Variants in NRXN3 observed in about 807,000 individuals in gnomAD.
NRXN3 encodes neurexin III.
Under a neutral mutation model 137.6 loss-of-function variants are expected in NRXN3, and 32 were observed. The ratio of observed to expected loss-of-function variants is 0.23; its 90% CI spans 0.18 to 0.31. NRXN3 has a LOEUF of 0.31. Among genes scored for constraint, NRXN3 ranks in the 10% least tolerant of loss-of-function variants. The pLI is 1.00. For synonymous variants in NRXN3, 798 were observed against 784.5 expected (o/e 1.02, Z -0.29); for missense variants, 1,574 against 2,062.5 (o/e 0.76, Z 4.59).
intron 8 of NRXN3, among the ~76,000 whole-genome samples, chr14:78,770,689 A>C (rs1181346445): frequency 6.6e-6 from 1 of 152,218 alleles, no homozygotes; most frequent in African/African-American, 2.4e-5. Flanking sequence ...GAGGTTTTCC[A>C]ACTCCAAGTT....
chr14:79,169,664 T>G (rs1038500789), intron 15 of NRXN3, among the ~76,000 whole-genome samples: 1 of 152,174 alleles, frequency 6.6e-6, no homozygotes, highest in Non-Finnish European at 1.5e-5. Context: ...TTGTCCTGTA[T>G]GCCCATAATC....
intron 15 of NRXN3, among the ~76,000 whole-genome samples, chr14:79,402,011 G>A (rs1344011611): frequency 6.6e-6 from 1 of 152,104 alleles, no homozygotes; most frequent in Non-Finnish European, 1.5e-5. Flanking sequence ...CGAATTCCCG[G>A]GTTTAAGCAG....
chr14:79,283,312 G>GA (rs1462296505), intron 15 of NRXN3, among the ~76,000 whole-genome samples: 1 of 152,054 alleles, frequency 6.6e-6, no homozygotes, highest in Non-Finnish European at 1.5e-5. Flanking sequence ...AGAGATTGTT[G>GA]TTTTTTTAAC....
chr14:79,604,010 C>G (rs1007172551), intron 16 of NRXN3, among the ~76,000 whole-genome samples: 10 of 152,080 alleles, frequency 6.6e-5, no homozygotes, highest in Non-Finnish European at 1.2e-4. Flanking sequence ...GCCTCAGCCT[C>G]CCGAGTGGCT....
intron 10 of NRXN3, among the ~76,000 whole-genome samples, chr14:78,829,024 G>A (rs553431283): frequency 6.6e-6 from 1 of 152,226 alleles, no homozygotes; most frequent in African/African-American, 2.4e-5. Flanking sequence ...AAGGGTTTGG[G>A]AAAGAGCATT....
chr14:79,296,975 GC>G (rs2084277759), intron 15 of NRXN3, among the ~76,000 whole-genome samples: 1 of 152,138 alleles, frequency 6.6e-6, no homozygotes, highest in Non-Finnish European at 1.5e-5. Context: ...CTTGATTCCA[GC>G]GCCCTGGCCT....
At chr14:79,382,092 A>G (rs2094486751) in intron 15 of NRXN3, among the ~76,000 whole-genome samples, 1 of 152,168 alleles carries the variant, frequency 6.6e-6, no homozygotes, top group African/African-American at 2.4e-5. Flanking sequence ...TCTCCTCTGC[A>G]AAATGGAACA....
chr14:79,454,216 T>G, intron 15 of NRXN3, among the ~76,000 whole-genome samples: 1 of 152,108 alleles, frequency 6.6e-6, no homozygotes, highest in South Asian at 2.1e-4. Flanking sequence ...TCCAAGAAGC[T>G]GGGACTACAG....
In NRXN3 at chr14:79,647,598, G is replaced by A. The variant is rs1227374496; in HGVS notation, c.3445-16180G>A. ...CTTTCTTATGAGTCTGCCTAACAGT[G>A]ATAGATTTTGTTGTTGAGCCACAGT... On this transcript the variant is annotated intron_variant, in intron 16 of 20. Coordinates refer to ENST00000335750, the MANE Select transcript of NRXN3 (RefSeq NM_001330195.2). Among the ~76,000 whole-genome samples the A allele has an allele frequency of 4.4e-5, 6 of 135,686 alleles. No homozygotes were observed. In the East Asian group the frequency reaches 9.8e-4, roughly 22 times the overall value. The allele number at this position is 135,686 out of a possible 152,430, so 89.0% of individuals were successfully genotyped here.
At chr14:79,054,184 T>G (rs2099649544) in intron 15 of NRXN3, among the ~76,000 whole-genome samples, 1 of 140,864 alleles carries the variant, frequency 7.1e-6, no homozygotes, top group Non-Finnish European at 1.6e-5. Flanking sequence ...GGGAGAGGGA[T>G]AGCATTAGGA....
rs554495264 is a variant in NRXN3 at position 78,663,456 on chromosome 14, C to T, written c.1221+12130C>T. Reference sequence around the variant, plus strand: ...AAATTGATATTGCTCAACCTGCTAACGGAGGAATGATTTTCATTATGGTAC... The same window carrying T: ...AAATTGATATTGCTCAACCTGCTAATGGAGGAATGATTTTCATTATGGTAC... On this transcript the variant is annotated intron_variant, in intron 6 of 20. Coordinates refer to ENST00000335750, the MANE Select transcript of NRXN3 (RefSeq NM_001330195.2). Among the ~76,000 whole-genome samples the T allele has an allele frequency of 3.3e-4, 50 of 152,264 alleles. No homozygotes were observed. The South Asian group carries it at 8.3e-3, about 25-fold the overall frequency.
intron 4 of NRXN3, among the ~76,000 whole-genome samples, chr14:78,450,825 G>A (rs892941780): frequency 6.6e-6 from 1 of 152,146 alleles, no homozygotes; most frequent in African/African-American, 2.4e-5. Flanking sequence ...GGCGCGAGAG[G>A]TTAGACCTTG....
At chr14:78,677,904 G>A (rs1392786401) in intron 6 of NRXN3, among the ~76,000 whole-genome samples, 1 of 151,896 alleles carries the variant, frequency 6.6e-6, no homozygotes, top group Non-Finnish European at 1.5e-5. Context: ...TGTCAACTTA[G>A]ATGACTGTTA....
At chr14:79,451,171 GAAA>G (rs563541996) in intron 15 of NRXN3, among the ~76,000 whole-genome samples, 7 of 86,118 alleles carry the variant, frequency 8.1e-5, no homozygotes, top group Non-Finnish European at 7.4e-5. Context: ...GGAGGGAACA[GAAA>G]AAAAAAAAAA....
chr14:79,640,230 G>T (rs1463411586), intron 16 of NRXN3, among the ~76,000 whole-genome samples: 1 of 135,484 alleles, frequency 7.4e-6, no homozygotes, highest in East Asian at 2.0e-4. Flanking sequence ...TGCTTTCAGT[G>T]ATAGCTTAGG....
chr14:79,471,125 C>G (rs2153621656), intron 16 of NRXN3, among the ~76,000 whole-genome samples: 1 of 152,074 alleles, frequency 6.6e-6, no homozygotes, highest in Middle Eastern at 3.4e-3. Context: ...TTTTTACCCC[C>G]AAGTGGACTT....
At chr14:79,066,889 T>G (rs1468308047) in intron 15 of NRXN3, among the ~76,000 whole-genome samples, 1 of 152,142 alleles carries the variant, frequency 6.6e-6, no homozygotes, top group East Asian at 1.9e-4. Flanking sequence ...GTTTTCTGGG[T>G]GTAGGATCAA....
intron 16 of NRXN3, among the ~76,000 whole-genome samples, chr14:79,553,420 G>A (rs762902396): frequency 1.3e-5 from 2 of 152,100 alleles, no homozygotes; most frequent in Non-Finnish European, 2.9e-5. Flanking sequence ...AGGACGTTCA[G>A]CCAAAAATTA....
In NRXN3 at chr14:79,358,607, G is replaced by GAA. The variant is rs10667477; in HGVS notation, c.3263-108613_3263-108612insAA. On this transcript the variant is annotated intron_variant, in intron 15 of 20. Coordinates refer to ENST00000335750, the MANE Select transcript of NRXN3 (RefSeq NM_001330195.2). ...AGAGAGAAAGAAAGAAAGAAAGAAA[G>GAA]AGAAAGAAAGAAAGAAAGAAAGAAA... Among the ~76,000 whole-genome samples, 267 of 79,952 alleles carry GAA rather than the reference G, an allele frequency of 3.3e-3. 1 individual carries two copies. Among genetic ancestry groups the GAA allele is most frequent in the South Asian group, 4.6e-3 (7 of 1,520 alleles). 52.5% of individuals were successfully genotyped at this position (79,952 alleles called of 152,430 possible). A position where few individuals can be genotyped will look rare whatever the true frequency, so the allele number is the denominator to read the frequency against.
Sources: gnomAD v4.1 joint callset for allele counts (sites outside exome capture counted in the v4.1 genomes callset) on GRCh38, gnomAD v4.1.1 for gene constraint, MANE v1.5 for transcripts, NCBI Gene and HGNC (gene_info 2026-07-23, HGNC 2026-07-21) for gene names.